C3orf52: variants seen among roughly 807,000 people sequenced by gnomAD.
C3orf52 encodes the protein chromosome 3 open reading frame 52, also known as TPA-induced transmembrane protein.
C3orf52 carries 22 observed loss-of-function variants against 24.8 expected under a neutral mutation model. The ratio of observed to expected loss-of-function variants is 0.89; its 90% CI spans 0.63 to 1.27. The LOEUF is 1.27. C3orf52 is among the 50% of genes most tolerant of loss of function. The probability of loss-of-function intolerance (pLI) is 0.00; values close to 1 mark genes in which losing one functional copy is unlikely to be tolerated. For synonymous variants in C3orf52, 93 were observed against 100.2 expected (o/e 0.93, Z 0.43); for missense variants, 265 against 260.7 (o/e 1.02, Z -0.11).
chr3:112,086,653 G>A (rs2107770986), intron 1 of C3orf52, 108 bp downstream of exon 1: 2 of 1,394,396 alleles, frequency 1.4e-6, no homozygotes, highest in Non-Finnish European at 1.9e-6. Flanking sequence ...GGCGTCGACG[G>A]CGCCGAGCGA....
rs2074155413 is a variant in C3orf52, at chr3:112,118,117, G to A, written c.*1471G>A. 6.6e-6 allele frequency: 1 copy of A among 152,164 alleles called. No homozygotes were observed. The highest frequency in any genetic ancestry group is 2.4e-5 in the African/African-American group (1 of 41,438). The allele number at this position is 152,164 out of a possible 1,614,324, so 9.4% of individuals were successfully genotyped here. ...TCTTTATTTTCTGCATGTTAAATGTGAACCTTAGTGTATTTGTATTTTGTA... is the reference window on the plus strand; with the variant it reads ...TCTTTATTTTCTGCATGTTAAATGTAAACCTTAGTGTATTTGTATTTTGTA... On this transcript the variant is annotated 3_prime_UTR_variant, in exon 6 of 6. Coordinates refer to ENST00000264848, the MANE Select transcript of C3orf52 (RefSeq NM_024616.3).
chr3:112,108,410 G>A (rs561649120), intron 3 of C3orf52, among the ~76,000 whole-genome samples: 1 of 152,318 alleles, frequency 6.6e-6, no homozygotes, highest in African/African-American at 2.4e-5. Flanking sequence ...GTGGGAAAGG[G>A]AGAACAATTT....
At chr3:112,094,758 T>C (rs1038775587) in intron 2 of C3orf52, among the ~76,000 whole-genome samples, 1 of 152,214 alleles carries the variant, frequency 6.6e-6, no homozygotes, top group Non-Finnish European at 1.5e-5. Flanking sequence ...GGACAATCAT[T>C]TCAATTCAAA....
intron 2 of C3orf52, among the ~76,000 whole-genome samples, chr3:112,094,000 TA>T (rs1227567003): frequency 6.6e-6 from 1 of 150,388 alleles, no homozygotes; most frequent in Non-Finnish European, 1.5e-5. Flanking sequence ...TGTATTTATT[TA>T]TTTTTTTTTT....
chr3:112,117,382 G>A lies in C3orf52; in HGVS notation c.*736G>A, dbSNP rs557449783. The A allele has an allele frequency of 3.5e-5, 6 of 172,426 alleles. No individual in the cohort carries two copies. The East Asian group carries it at 9.6e-4, about 27-fold the overall frequency. The allele number at this position is 172,426 out of a possible 1,614,324, so 10.7% of individuals were successfully genotyped here. ...TGTATATAGCTAGTTACAGACGGGA[G>A]CTATGTGTTTCTTCATTATTTTGCA... On this transcript the variant is annotated 3_prime_UTR_variant, in exon 6 of 6. Coordinates refer to ENST00000264848, the MANE Select transcript of C3orf52 (RefSeq NM_024616.3).
intron 1 of C3orf52, among the ~76,000 whole-genome samples, chr3:112,090,543 G>A (rs528880687): frequency 1.3e-5 from 2 of 151,962 alleles, no homozygotes; most frequent in South Asian, 2.1e-4. Flanking sequence ...AAGGGATAGC[G>A]CTCAGCGGTC....
intron 4 of C3orf52, among the ~76,000 whole-genome samples, chr3:112,126,575 G>GC (rs1377240385): frequency 1.3e-5 from 2 of 152,028 alleles, no homozygotes; most frequent in Non-Finnish European, 2.9e-5. Flanking sequence ...AATCATACTT[G>GC]CCCCCGCCTC....
chr3:112,102,642 A>T (rs16859188), intron 2 of C3orf52, among the ~76,000 whole-genome samples, 196 bp from the exon 3 acceptor site: 14,344 of 152,206 alleles, frequency 0.094, 1,252 homozygotes, highest in African/African-American at 0.23. Context: ...ATTTTGATAG[A>T]GGCAAACCCC....
At chr3:112,130,415 T>TG (rs764224574), downstream of C3orf52, 9 of 1,590,482 alleles carry the variant, frequency 5.7e-6, no homozygotes, top group East Asian at 2.2e-5. Context: ...GGGCAAGGTC[T>TG]GGGGGGTGTT....
chr3:112,133,430 A>G (rs76616222), downstream of C3orf52: 814 of 328,954 alleles, frequency 2.5e-3, 4 homozygotes, highest in African/African-American at 0.016. Context: ...GAAATTACAG[A>G]TGGGCCATGG....
At position 112,117,592 on chromosome 3, in the gene C3orf52, T is replaced by C. The variant is rs2074148196; in HGVS notation, c.*946T>C. 2 of 152,266 alleles carry C rather than the reference T, an allele frequency of 1.3e-5. No individual in the cohort carries two copies. Among genetic ancestry groups the C allele is most frequent in the South Asian group, 4.1e-4 (2 of 4,836 alleles). 9.4% of individuals were successfully genotyped at this position (152,266 alleles called of 1,614,324 possible). On this transcript the variant is annotated 3_prime_UTR_variant, in exon 6 of 6. Coordinates refer to ENST00000264848, the MANE Select transcript of C3orf52 (RefSeq NM_024616.3). ...TACGCATTGGCTTTTTGTTGCCTAG[T>C]GCTACAAACCTTCCTGTGGGACTCA...
chr3:112,115,777 A>G (rs1007314387), intron 5 of C3orf52, among the ~76,000 whole-genome samples: 1 of 152,116 alleles, frequency 6.6e-6, no homozygotes, highest in Admixed American at 6.5e-5. Flanking sequence ...CTCATTCTCT[A>G]ATTTGGAAAT....
At chr3:112,092,247 T>G (rs1005798524) in intron 1 of C3orf52, among the ~76,000 whole-genome samples, 1 of 152,224 alleles carries the variant, frequency 6.6e-6, no homozygotes, top group Non-Finnish European at 1.5e-5. Context: ...TTATATATTT[T>G]AAAGCTGAGG....
chr3:112,133,169 C>G, downstream of C3orf52: 3 of 1,607,336 alleles, frequency 1.9e-6, no homozygotes, highest in East Asian at 2.2e-5. Flanking sequence ...CCACTTCCTT[C>G]TTGCCTTGTG....
chr3:112,098,892 C>A (rs2073948307), intron 2 of C3orf52, among the ~76,000 whole-genome samples: 1 of 152,146 alleles, frequency 6.6e-6, no homozygotes, highest in Non-Finnish European at 1.5e-5. Context: ...AAGGCCCCAC[C>A]CTCTAAGACC....
intron 1 of C3orf52, 55 bp from the exon 2 acceptor site, chr3:112,093,304 CA>C: frequency 1.3e-6 from 2 of 1,594,042 alleles, no homozygotes; most frequent in South Asian, 2.3e-5. Flanking sequence ...CCTAGGTATT[CA>C]GAACTGTCTG....
chr3:112,129,943 T>A (rs181311349), downstream of C3orf52: 1 of 153,878 alleles, frequency 6.5e-6, no homozygotes, highest in Admixed American at 6.4e-5. Flanking sequence ...GAGAATTCTT[T>A]AGGGCTGGAC....
Sources: allele counts gnomAD v4.1 joint callset (sites outside exome capture counted in the v4.1 genomes callset), GRCh38; gene constraint gnomAD v4.1.1; transcripts MANE v1.5; gene names NCBI Gene and HGNC (gene_info 2026-07-23, HGNC 2026-07-21).